Variants in UBOX5 observed in about 807,000 individuals in gnomAD.
The protein encoded by UBOX5 is U-box domain containing 5, also known as RING finger protein 37.
A neutral mutation model predicts 39.0 loss-of-function variants in UBOX5; 28 were observed. The ratio of observed to expected loss-of-function variants is 0.72; its 90% confidence interval spans 0.53 to 0.98. The LOEUF (loss-of-function observed/expected upper bound fraction) is 0.98, where lower values mean the gene tolerates loss of function less well. UBOX5 is among the 50% of genes least tolerant of loss of function. UBOX5 has a pLI of 0.00. For synonymous variants in UBOX5, 283 were observed against 275.5 expected (o/e 1.03, Z -0.27); for missense variants, 585 against 674.4 (o/e 0.87, Z 1.47).
chr20:3,131,106 G>A (rs1237238113), intron 1 of UBOX5, among the ~76,000 whole-genome samples: 3 of 152,030 alleles, frequency 2.0e-5, no homozygotes, highest in Non-Finnish European at 2.9e-5. Flanking sequence ...GCGTGAGCCT[G>A]TAGCCCCAGT....
chr20:3,153,205 G>A (rs565315138), intron 1 of UBOX5, among the ~76,000 whole-genome samples: 4 of 152,154 alleles, frequency 2.6e-5, no homozygotes, highest in South Asian at 4.2e-4. Context: ...ATTACTATAC[G>A]TGGTCTGGAA....
At chr20:3,122,855 A>G (rs2148595745) in intron 2 of UBOX5, among the ~76,000 whole-genome samples, 1 of 152,266 alleles carries the variant, frequency 6.6e-6, no homozygotes. Flanking sequence ...AGGCTGAGGC[A>G]GGAGGATCCC....
chr20:3,128,457 C>T (rs1234838217), intron 1 of UBOX5, among the ~76,000 whole-genome samples: 1 of 152,172 alleles, frequency 6.6e-6, no homozygotes, highest in Non-Finnish European at 1.5e-5. Context: ...ATATGCAGAA[C>T]GGTGCTGGCC....
intron 4 of UBOX5, among the ~76,000 whole-genome samples, chr20:3,113,279 C>T: frequency 7.9e-6 from 1 of 126,858 alleles, no homozygotes; most frequent in Non-Finnish European, 1.6e-5. Context: ...CAGAGCGAAA[C>T]AGAGCAAGAC....
chr20:3,118,298 C>T (rs1225673501), intron 3 of UBOX5, among the ~76,000 whole-genome samples: 2 of 152,058 alleles, frequency 1.3e-5, no homozygotes, highest in African/African-American at 4.8e-5. Flanking sequence ...CATGACAAAA[C>T]CCAGTCTATA....
intron 1 of UBOX5, among the ~76,000 whole-genome samples, chr20:3,142,676 G>A (rs991093354): frequency 1.3e-5 from 2 of 149,838 alleles, no homozygotes; most frequent in African/African-American, 2.5e-5. Flanking sequence ...GGGTGGCTGA[G>A]GCACGAGAAT....
In UBOX5 at chr20:3,121,925, G is replaced by C. The variant is rs749278665; in HGVS notation, c.714C>G (p.Asp238Glu). 6.2e-7 allele frequency: 1 copy of C among 1,613,856 alleles called. No homozygotes were observed. Among genetic ancestry groups the C allele is most frequent in the Non-Finnish European group, 8.5e-7 (1 of 1,180,038 alleles). The change falls in exon 3 of 5, where the codon GAC (aspartate) becomes GAG (glutamate). Residue 238 changes from aspartate (D) to glutamate (E), a missense_variant. Asp to Glu is a conservative substitution (Grantham distance 45). Coordinates refer to ENST00000217173, the MANE Select transcript of UBOX5 (RefSeq NM_014948.4). Reference protein sequence around the residue: ...LPMESDCDPGDQPESQQAPSS... With the variant: ...LPMESDCDPGEQPESQQAPSS... ...AGGGAGCCTGCTGGCTCTCAGGCTG[G>C]TCCCCAGGGTCACAGTCACTTTCCA...
intron 4 of UBOX5, chr20:3,111,716 T>C (rs1389182361): frequency 2.0e-5 from 3 of 152,602 alleles, no homozygotes; most frequent in African/African-American, 7.2e-5. Context: ...CCCTTTCCTG[T>C]GCTTTCAGAG....
chr20:3,147,645 G>C (rs751273447), intron 1 of UBOX5: 1 of 1,614,214 alleles, frequency 6.2e-7, no homozygotes, highest in South Asian at 1.1e-5. Flanking sequence ...AGGCCCAGCA[G>C]GCAGGTGGGC....
In UBOX5 at chr20:3,109,090, C is replaced by T. The variant is rs1293686030; in HGVS notation, c.*1016G>A. On this transcript the variant is annotated 3_prime_UTR_variant, in exon 5 of 5. Transcript: ENST00000217173. Reference sequence around the variant, plus strand: ...GGTAAAATACAGCTTTACAAAGCATCTTTAGGCTGTTCCTTCCCAAACGTG... The same window carrying T: ...GGTAAAATACAGCTTTACAAAGCATTTTTAGGCTGTTCCTTCCCAAACGTG... 1 of 152,092 alleles carries T rather than the reference C, an allele frequency of 6.6e-6. No homozygotes were observed. Among genetic ancestry groups the T allele is most frequent in the East Asian group, 1.9e-4 (1 of 5,192 alleles). 9.4% of individuals were successfully genotyped at this position (152,092 alleles called of 1,614,324 possible). A position where few individuals can be genotyped will look rare whatever the true frequency, so the allele number is the denominator to read the frequency against.
At chr20:3,120,820 C>G (rs1039535746) in intron 3 of UBOX5, among the ~76,000 whole-genome samples, 36 of 152,120 alleles carry the variant, frequency 2.4e-4, no homozygotes, top group Non-Finnish European at 4.4e-4. Context: ...AAAGGAAGGC[C>G]CACAGACCTA....
At chr20:3,114,300 G>A (rs561800644) in intron 4 of UBOX5, among the ~76,000 whole-genome samples, 12 of 152,158 alleles carry the variant, frequency 7.9e-5, no homozygotes, top group Non-Finnish European at 1.6e-4. Flanking sequence ...AGAGCTGGTA[G>A]AGAAGGCAAT....
At chr20:3,137,658 C>T (rs1327865737) in intron 1 of UBOX5, among the ~76,000 whole-genome samples, 3 of 152,246 alleles carry the variant, frequency 2.0e-5, no homozygotes, top group Non-Finnish European at 4.4e-5. Flanking sequence ...ACCAGGTCTG[C>T]ATGCATTCAT....
intron 4 of UBOX5, among the ~76,000 whole-genome samples, chr20:3,113,297 CAAAA>C (rs1170742055): frequency 2.1e-4 from 10 of 47,532 alleles, no homozygotes; most frequent in Non-Finnish European, 3.9e-4. Flanking sequence ...GACTCTGTCT[CAAAA>C]AAAAAAAAAA....
At chr20:3,135,123 T>C (rs1438698564) in intron 1 of UBOX5, among the ~76,000 whole-genome samples, 1 of 152,144 alleles carries the variant, frequency 6.6e-6, no homozygotes, top group Non-Finnish European at 1.5e-5. Context: ...AAAATGCATT[T>C]CTTATTGTGA....
At chr20:3,112,091 T>A (rs2066257994) in intron 4 of UBOX5, among the ~76,000 whole-genome samples, 1 of 149,218 alleles carries the variant, frequency 6.7e-6, no homozygotes, top group Non-Finnish European at 1.5e-5. Context: ...AAGCCAAAAA[T>A]TCCCCAGTGA....
chr20:3,129,166 C>A (rs1343009412), intron 1 of UBOX5, among the ~76,000 whole-genome samples: 2 of 152,172 alleles, frequency 1.3e-5, no homozygotes, highest in Admixed American at 1.3e-4. Context: ...TACCTGCTCT[C>A]CACAGCACTC....
In UBOX5 at chr20:3,149,124, G is replaced by A. The variant is rs1367955321; in HGVS notation, c.-42+10642C>T. The stretch of plus-strand genomic sequence containing the variant: ...GTCAGAATACAGTCCTCACAGATTT[G>A]ACCAGGCAATTTCTTGTTTATATGG... On this transcript the variant is annotated intron_variant, in intron 1 of 4. Transcript: ENST00000217173. The surrounding 1 kb of genome is among the most constrained non-coding windows in gnomAD (Gnocchi z 4.1). 37 of 1,537,440 alleles carry A rather than the reference G, an allele frequency of 2.4e-5. No individual in the cohort carries two copies. Among genetic ancestry groups the A allele is most frequent in the Non-Finnish European group, 3.1e-5 (36 of 1,143,158 alleles).
At chr20:3,134,348 G>C (rs2066452823) in intron 1 of UBOX5, among the ~76,000 whole-genome samples, 1 of 151,952 alleles carries the variant, frequency 6.6e-6, no homozygotes. Flanking sequence ...TGAAAAAAAT[G>C]CTGCAATAAA....
Sources: gnomAD v4.1 joint callset for allele counts (sites outside exome capture counted in the v4.1 genomes callset) on GRCh38, gnomAD v4.1.1 for gene constraint, Gnocchi (gnomAD v3.1) non-coding constraint, MANE v1.5 for transcripts, NCBI Gene and HGNC (gene_info 2026-07-23, HGNC 2026-07-21) for gene names.